SNX29: variants seen among roughly 807,000 people sequenced by gnomAD.
The protein encoded by SNX29 is sorting nexin 29, also known as sorting nexin-29.
Under a neutral mutation model 102.1 loss-of-function variants are expected in SNX29, and 78 were observed. That is an observed-to-expected ratio of 0.76 (90% CI 0.64 to 0.92). SNX29 has a LOEUF of 0.92. Among genes scored for constraint, SNX29 ranks in the 40% least tolerant of loss-of-function variants. SNX29 has a pLI of 0.00. For synonymous variants in SNX29, 580 were observed against 414.5 expected, an observed-to-expected ratio of 1.40 and a Z score of -4.85; for missense variants, 1,280 against 1,061.7, an observed-to-expected ratio of 1.21 and a Z score of -2.86.
intron 14 of SNX29, among the ~76,000 whole-genome samples, chr16:12,200,060 A>C (rs1330602597): frequency 1.3e-5 from 2 of 152,144 alleles, no homozygotes; most frequent in African/African-American, 4.8e-5. Context: ...CGCTGGACTT[A>C]GGCTGATCAG....
At chr16:12,349,920 T>C (rs2151289980) in intron 15 of SNX29, among the ~76,000 whole-genome samples, 1 of 152,366 alleles carries the variant, frequency 6.6e-6, no homozygotes, top group Admixed American at 6.5e-5. Flanking sequence ...TGCAGAATGA[T>C]ATTTTGCTAA....
At chr16:12,547,288 G>A (rs1421022346) in intron 20 of SNX29, among the ~76,000 whole-genome samples, 2 of 152,202 alleles carry the variant, frequency 1.3e-5, no homozygotes, top group Non-Finnish European at 2.9e-5. Flanking sequence ...GCCCCTGGGA[G>A]AAACAGCAAG....
At chr16:12,243,977 G>A (rs562400516) in intron 14 of SNX29, among the ~76,000 whole-genome samples, 1 of 152,208 alleles carries the variant, frequency 6.6e-6, no homozygotes, top group East Asian at 1.9e-4. Flanking sequence ...TACTCTACTG[G>A]TGGTGGGGGT....
intron 11 of SNX29, among the ~76,000 whole-genome samples, chr16:12,115,184 T>C (rs74887023): frequency 6.6e-6 from 1 of 152,264 alleles, no homozygotes; most frequent in East Asian, 1.9e-4. Context: ...CCGTTGCTTT[T>C]TCCTTCAGCC....
At chr16:12,488,466 A>T (rs2088366215) in intron 19 of SNX29, among the ~76,000 whole-genome samples, 1 of 151,914 alleles carries the variant, frequency 6.6e-6, no homozygotes, top group Admixed American at 6.6e-5. Context: ...CACCCATGAC[A>T]CCATAGAATT....
At chr16:12,518,968 C>G (rs1217241630) in intron 19 of SNX29, among the ~76,000 whole-genome samples, 1 of 152,174 alleles carries the variant, frequency 6.6e-6, no homozygotes, top group Admixed American at 6.5e-5. Context: ...GTCATACTGC[C>G]TGTGCAAGGG....
At position 12,383,069 on chromosome 16, in the gene SNX29, A is replaced by T. The variant is rs184245640; in HGVS notation, c.1900-15377A>T. 2.7e-4 allele frequency among the ~76,000 whole-genome samples: 41 copies of T among 152,290 alleles called. 1 individual carries two copies. The highest frequency in any genetic ancestry group is 2.2e-3 in the Admixed American group (34 of 15,296). On this transcript the variant is annotated intron_variant, in intron 16 of 20. Coordinates refer to ENST00000566228, the MANE Select transcript of SNX29 (RefSeq NM_032167.5). ...CTACTACAGCTGCTATTATTTAAAA[A>T]ATTTTTTAGAAGATACAAGTAATAC...
intron 14 of SNX29, among the ~76,000 whole-genome samples, chr16:12,250,153 G>T (rs1385453201): frequency 6.6e-6 from 1 of 152,214 alleles, no homozygotes; most frequent in Non-Finnish European, 1.5e-5. Context: ...ACAGACTTAG[G>T]TGGCCAAAGG....
At position 12,089,724 on chromosome 16, in the gene SNX29, G is replaced by T. The variant is rs977102915; in HGVS notation, c.1402+10809G>T. On this transcript the variant is annotated intron_variant, in intron 11 of 20. Transcript: ENST00000566228. ...GTAGATTTTATCCCACGTACAATGG[G>T]AAGCCAGTGGAGGACTTGAAGCAGG... is the stretch of plus-strand genomic sequence containing the variant. 2.7e-5 allele frequency: 6 copies of T among 224,300 alleles called. No homozygotes were observed. The East Asian group carries it at 9.9e-4, about 37-fold the overall frequency. The allele number at this position is 224,300 out of a possible 1,614,324, so 13.9% of individuals were successfully genotyped here.
chr16:12,559,469 T>C (rs1424445656), intron 20 of SNX29, among the ~76,000 whole-genome samples: 1 of 151,750 alleles, frequency 6.6e-6, no homozygotes, highest in Non-Finnish European at 1.5e-5. Flanking sequence ...GTGAGTTGTG[T>C]AATTTTTTCC....
intron 20 of SNX29, among the ~76,000 whole-genome samples, chr16:12,544,113 G>A (rs1391819936): frequency 3.9e-5 from 6 of 152,186 alleles, no homozygotes; most frequent in Admixed American, 3.9e-4. Flanking sequence ...AGGCTGTTAA[G>A]GAAAACAAGT....
At chr16:12,424,276 G>C (rs2084973921) in intron 18 of SNX29, among the ~76,000 whole-genome samples, 1 of 152,238 alleles carries the variant, frequency 6.6e-6, no homozygotes. Flanking sequence ...CCCAAGGCCA[G>C]AGTCTTTGAC....
intron 18 of SNX29, among the ~76,000 whole-genome samples, chr16:12,423,884 TAAG>T (rs1239845762): frequency 6.6e-6 from 1 of 152,208 alleles, no homozygotes; most frequent in Non-Finnish European, 1.5e-5. Flanking sequence ...CAAGTTTTTG[TAAG>T]AAGAGTGCAT....
In SNX29 at chr16:12,099,511, C is replaced by G. The variant is rs186126621; in HGVS notation, c.1402+20596C>G. ...ATTTAGTGACCTAAACAGGGAGGCT[C>G]CAGGGACAGGAGCAGATGCAGCCTG... On this transcript the variant is annotated intron_variant, in intron 11 of 20. Coordinates refer to ENST00000566228, the MANE Select transcript of SNX29 (RefSeq NM_032167.5). Among the ~76,000 whole-genome samples, 114 of 152,316 alleles carry G rather than the reference C, an allele frequency of 7.5e-4. 3 individuals are homozygous for G. Among genetic ancestry groups the G allele is most frequent in the Non-Finnish European group, 1.0e-3 (69 of 68,032 alleles).
chr16:12,074,882 C>G (rs1440318521), intron 10 of SNX29, among the ~76,000 whole-genome samples: 1 of 152,088 alleles, frequency 6.6e-6, no homozygotes, highest in Non-Finnish European at 1.5e-5. Flanking sequence ...TCTTTTTTCT[C>G]TCAAATTCCC....
At chr16:12,564,125 G>A (rs72775227) in intron 20 of SNX29, among the ~76,000 whole-genome samples, 42,196 of 151,890 alleles carry the variant, frequency 0.28, 6,393 homozygotes, top group East Asian at 0.44. Context: ...GTGGTGGATC[G>A]TGCCTATAAT....
intron 15 of SNX29, among the ~76,000 whole-genome samples, chr16:12,351,376 T>G (rs13332306): frequency 0.045 from 6,550 of 146,636 alleles, 289 homozygotes; most frequent in African/African-American, 0.12. Flanking sequence ...TAACAGATTC[T>G]AAGGCATCGA....
intron 18 of SNX29, among the ~76,000 whole-genome samples, chr16:12,468,169 CTTTTTT>C (rs59089512): frequency 0.078 from 7,219 of 92,574 alleles, 520 homozygotes; most frequent in East Asian, 0.3. Context: ...ACTCTGACTC[CTTTTTT>C]TTTTTTTTTT....
chr16:12,562,860 G>C (rs139512434), intron 20 of SNX29, among the ~76,000 whole-genome samples: 4 of 152,014 alleles, frequency 2.6e-5, no homozygotes, highest in South Asian at 2.1e-4. Context: ...GACAGCTCCC[G>C]GTCTGTGCTT....
Sources: allele counts gnomAD v4.1 joint callset (sites outside exome capture counted in the v4.1 genomes callset), GRCh38; gene constraint gnomAD v4.1.1; transcripts MANE v1.5; gene names NCBI Gene and HGNC (gene_info 2026-07-23, HGNC 2026-07-21).